Variants in TSGA10IP observed in about 807,000 individuals in gnomAD.
TSGA10IP encodes testis specific 10 interacting protein.
TSGA10IP carries 64 observed loss-of-function variants against 63.2 expected under a neutral mutation model. That is an observed-to-expected ratio of 1.01 (90% CI 0.83 to 1.25). The LOEUF (loss-of-function observed/expected upper bound fraction) is 1.25, where lower values mean the gene tolerates loss of function less well. Ranked by LOEUF, TSGA10IP falls within the 50% of genes most tolerant of loss-of-function variation. The probability of loss-of-function intolerance (pLI) is 0.00; values close to 1 mark genes in which losing one functional copy is unlikely to be tolerated. For missense variants in TSGA10IP, 681 were observed against 710.1 expected, an observed-to-expected ratio of 0.96 and a Z score of 0.47; for synonymous variants, 316 against 298.3, an observed-to-expected ratio of 1.06 and a Z score of -0.61.
chr11:65,953,773 G>A (rs1283683408), intron 5 of TSGA10IP, 36 bp downstream of exon 5: 2 of 1,453,158 alleles, frequency 1.4e-6, no homozygotes, highest in Non-Finnish European at 1.8e-6. Flanking sequence ...CTGGTTGGGA[G>A]AGGGCAGGGA....
At chr11:65,947,428 T>C (rs746249871) in exon 3 of TSGA10IP, 1 of 1,613,392 alleles carries the variant, frequency 6.2e-7, no homozygotes, top group Non-Finnish European at 8.5e-7. Flanking sequence ...TCCAGCTGCC[T>C]GGGAGGAGGC....
chr11:65,958,517 G>A (rs1855062994), intron 5 of TSGA10IP, among the ~76,000 whole-genome samples: 1 of 152,146 alleles, frequency 6.6e-6, no homozygotes, highest in African/African-American at 2.4e-5. Context: ...AAGGGAAAGA[G>A]GATGGGGAGG....
chr11:65,951,137 A>G (rs1258642992), intron 4 of TSGA10IP, among the ~76,000 whole-genome samples: 1 of 152,164 alleles, frequency 6.6e-6, no homozygotes, highest in African/African-American at 2.4e-5. Context: ...TATCTTTGCT[A>G]CTGTGAATAT....
rs757322519 is a variant in TSGA10IP, at chr11:65,947,207, C to T, written c.382C>T (p.Pro128Ser). Residue 128 changes from proline to serine, a missense_variant, in exon 3 of 8, where the codon CCA becomes TCA. Coordinates refer to ENST00000532620, the Ensembl canonical transcript of TSGA10IP. ...CCGGGCTGTGCTTCAGCCAAGCTCCCCAACCCCTGGCCACCAAGCCCTGCC... is the reference window on the plus strand; with the variant it reads ...CCGGGCTGTGCTTCAGCCAAGCTCCTCAACCCCTGGCCACCAAGCCCTGCC... 5.6e-6 allele frequency: 9 copies of T among 1,607,736 alleles called. No individual in the cohort carries two copies. In the Admixed American group the frequency reaches 6.8e-5, roughly 12 times the overall value.
chr11:65,948,106 A>G (rs1356920386), exon 4 of TSGA10IP: 10 of 1,600,242 alleles, frequency 6.2e-6, no homozygotes, highest in Middle Eastern at 1.7e-4. Context: ...GTGTCTGCCA[A>G]CCTCCCTAAT....
intron 7 of TSGA10IP, 80 bp from the exon 8 acceptor site, chr11:65,959,737 T>G: frequency 6.7e-7 from 1 of 1,484,964 alleles, no homozygotes; most frequent in Non-Finnish European, 9.0e-7. Flanking sequence ...GAAGCAGGGT[T>G]TGAAGCCACA....
At position 65,953,701 on chromosome 11, in the gene TSGA10IP, G is replaced by GC. The variant is rs920242216; in HGVS notation, c.1289dup (p.Gly431TrpfsTer20). ...GCCTACGCACCCAGAGGGAGCCGGGGCCCTGGGGCGGCCCAGCGCAAGCTG... is the reference window on the plus strand; with the variant it reads ...GCCTACGCACCCAGAGGGAGCCGGGGCCCCTGGGGCGGCCCAGCGCAAGCTG... On this transcript the variant is annotated frameshift_variant, in exon 5 of 8. Transcript: ENST00000532620. LOFTEE classifies it high-confidence loss of function. The GC allele has an allele frequency of 2.5e-5, 39 of 1,573,048 alleles. No individual in the cohort carries two copies. Among genetic ancestry groups the GC allele is most frequent in the Non-Finnish European group, 2.7e-5 (32 of 1,165,920 alleles).
intron 5 of TSGA10IP, among the ~76,000 whole-genome samples, chr11:65,955,210 A>G (rs992175057): frequency 6.6e-6 from 1 of 151,938 alleles, no homozygotes; most frequent in Non-Finnish European, 1.5e-5. Context: ...GGGAAGCTAC[A>G]TTATGAATAA....
chr11:65,953,428 A>C, intron 4 of TSGA10IP, 139 bp from the exon 5 acceptor site: 361 of 1,184,056 alleles, frequency 3.0e-4, no homozygotes, highest in Non-Finnish European at 3.7e-4. Context: ...TTCCATGACA[A>C]ACCCTACTCC....
exon 3 of TSGA10IP, chr11:65,947,419 C>T (rs374909582): frequency 9.0e-5 from 145 of 1,613,400 alleles, no homozygotes; most frequent in Non-Finnish European, 1.1e-4. Flanking sequence ...CCAGTGGTCT[C>T]CAGCTGCCTG....
At chr11:65,957,507 C>G (rs1855044654) in intron 5 of TSGA10IP, among the ~76,000 whole-genome samples, 1 of 152,230 alleles carries the variant, frequency 6.6e-6, no homozygotes. Context: ...TCCCACCTCC[C>G]CTTGTAACTG....
chr11:65,959,438 AG>A, intron 7 of TSGA10IP, 124 bp downstream of exon 7: 1 of 1,410,734 alleles, frequency 7.1e-7, no homozygotes, highest in Non-Finnish European at 9.5e-7. Context: ...GAGGAAGGCA[AG>A]GCCAGGGTTG....
chr11:65,951,853 C>CTTT (rs879819961), intron 4 of TSGA10IP, among the ~76,000 whole-genome samples: 6 of 138,858 alleles, frequency 4.3e-5, no homozygotes, highest in African/African-American at 1.3e-4. Flanking sequence ...GACTCTTTGC[C>CTTT]TTTTTTTTTT....
Position 65,945,971 on chromosome 11 carries a change from G to A in TSGA10IP, c.147+149G>A, listed in dbSNP as rs190208508. Reference sequence around the variant, plus strand: ...GGCAGGAGTGGGACAGGGACCACAGGGAGGCCTAAGGGCCTTGGGAGAAGC... The same window carrying A: ...GGCAGGAGTGGGACAGGGACCACAGAGAGGCCTAAGGGCCTTGGGAGAAGC... On this transcript the variant is annotated intron_variant, in intron 1 of 7. Transcript: ENST00000532620. 206 of 927,202 alleles carry A rather than the reference G, an allele frequency of 2.2e-4. 2 individuals are homozygous for A. The African/African-American group carries it at 2.8e-3, about 13-fold the overall frequency. 57.4% of individuals were successfully genotyped at this position (927,202 alleles called of 1,614,324 possible). A position where few individuals can be genotyped will look rare whatever the true frequency, so the allele number is the denominator to read the frequency against.
At chr11:65,953,737 G>A (rs759142945) in exon 5 of TSGA10IP, 1 of 1,516,520 alleles carries the variant, frequency 6.6e-7, no homozygotes, top group East Asian at 2.5e-5. Flanking sequence ...GAGGAGCTGA[G>A]GTAGGGAGCC....
chr11:65,948,090 A>G, exon 4 of TSGA10IP: 1 of 1,596,242 alleles, frequency 6.3e-7, no homozygotes, highest in South Asian at 1.1e-5. Context: ...ATACGATGAA[A>G]CTTTCGTGTC....
intron 7 of TSGA10IP, among the ~76,000 whole-genome samples, 160 bp downstream of exon 7, chr11:65,959,474 A>G (rs1370874952): frequency 6.6e-6 from 1 of 152,192 alleles, no homozygotes; most frequent in Non-Finnish European, 1.5e-5. Flanking sequence ...CAATGAGGAA[A>G]CTAAGGACCT....
chr11:65,945,660 T>A lies in TSGA10IP; in HGVS notation c.-16T>A. 6.2e-7 allele frequency: 1 copy of A among 1,611,896 alleles called. No homozygotes were observed. Among genetic ancestry groups the A allele is most frequent in the Non-Finnish European group, 8.5e-7 (1 of 1,178,610 alleles). ...CTGTTAGGCAGTTCTACGGTGCGGA[T>A]GGGGGATGGGGCAGGATGGGGCAGG... is the stretch of plus-strand genomic sequence containing the variant. On this transcript the variant is annotated 5_prime_UTR_variant, in exon 1 of 8. It removes an upstream start codon present in the reference 5' UTR. Coordinates refer to ENST00000532620, the Ensembl canonical transcript of TSGA10IP.
At chr11:65,948,108 C>T in exon 4 of TSGA10IP, 3 of 1,600,910 alleles carry the variant, frequency 1.9e-6, no homozygotes, top group Non-Finnish European at 2.6e-6. Flanking sequence ...GTCTGCCAAC[C>T]TCCCTAATCG....
Sources: gnomAD v4.1 joint callset for allele counts (sites outside exome capture counted in the v4.1 genomes callset) on GRCh38, gnomAD v4.1.1 for gene constraint, MANE v1.5 for transcripts, NCBI Gene and HGNC (gene_info 2026-07-23, HGNC 2026-07-21) for gene names.